The following PDE1C variants were observed in gnomAD, a reference collection of about 807,000 sequenced individuals.
PDE1C encodes the protein phosphodiesterase 1C.
PDE1C carries 62 observed loss-of-function variants against 93.1 expected under a neutral mutation model. The observed-to-expected ratio is 0.67, with a 90% CI of 0.54 to 0.82. The LOEUF (loss-of-function observed/expected upper bound fraction) is 0.82, where lower values mean the gene tolerates loss of function less well. Among genes scored for constraint, PDE1C ranks in the 40% least tolerant of loss-of-function variants. The probability of loss-of-function intolerance (pLI) is 0.00; values close to 1 mark genes in which losing one functional copy is unlikely to be tolerated. For synonymous variants in PDE1C, 325 were observed against 310.1 expected (o/e 1.05, Z -0.50); for missense variants, 742 against 884.6 (o/e 0.84, Z 2.04).
Position 31,753,355 on chromosome 7 carries a change from C to T in PDE1C, c.*29G>A. 6.2e-7 allele frequency: 1 copy of T among 1,600,788 alleles called. No individual in the cohort carries two copies. On this transcript the variant is annotated 3_prime_UTR_variant, in exon 18 of 18. Coordinates refer to ENST00000396191, the MANE Select transcript of PDE1C (RefSeq NM_001191057.4). The stretch of plus-strand genomic sequence containing the variant: ...GCTGAGAAGCAGATAGGTAGACCCT[C>T]CTTCACTCCCTCTCTTCTTCCCCTC...
At chr7:32,319,910 A>T (rs1783253398) in intron 1 of PDE1C, among the ~76,000 whole-genome samples, 1 of 152,212 alleles carries the variant, frequency 6.6e-6, no homozygotes, top group Non-Finnish European at 1.5e-5. Context: ...CCCCTTGAAC[A>T]TAGATAGGTA....
chr7:32,108,863 C>T (rs1282973881), intron 3 of PDE1C, among the ~76,000 whole-genome samples: 1 of 152,208 alleles, frequency 6.6e-6, no homozygotes, highest in Non-Finnish European at 1.5e-5. Flanking sequence ...ATCTGAGTCA[C>T]TCAGTACAGT....
intron 3 of PDE1C, among the ~76,000 whole-genome samples, chr7:32,099,418 T>C (rs1488333356): frequency 6.6e-6 from 1 of 152,212 alleles, no homozygotes; most frequent in Non-Finnish European, 1.5e-5. Context: ...TTCACCTATG[T>C]CTTACTCCTC....
At chr7:32,059,592 C>G (rs1233924654) in intron 1 of PDE1C, among the ~76,000 whole-genome samples, 2 of 152,134 alleles carry the variant, frequency 1.3e-5, no homozygotes, top group African/African-American at 2.4e-5. Context: ...CTCTCATGAG[C>G]CTGGATTAAA....
In PDE1C at chr7:32,272,606, A is replaced by T. The variant is rs966096798; in HGVS notation, c.85+26045T>A. Among the ~76,000 whole-genome samples, 79 of 152,344 alleles carry T rather than the reference A, an allele frequency of 5.2e-4. 1 individual carries two copies. Among genetic ancestry groups the T allele is most frequent in the Non-Finnish European group, 1.3e-4 (9 of 68,036 alleles). On this transcript the variant is annotated intron_variant, in intron 1 of 18. Coordinates refer to the PDE1C transcript ENST00000396193. Reference sequence around the variant, plus strand: ...TTGCCCGTGTCACTCTTGGCTATCTAATCAACAGCCATTCTCCCTTCAAAG... The same window carrying T: ...TTGCCCGTGTCACTCTTGGCTATCTTATCAACAGCCATTCTCCCTTCAAAG...
rs55999814 is a variant in PDE1C at position 31,907,070 on chromosome 7, GGTGTGTGTGT to G, written c.129-26220_129-26211del. 1.6e-3 allele frequency among the ~76,000 whole-genome samples: 235 copies of G among 145,314 alleles called. 1 individual carries two copies. The highest frequency in any genetic ancestry group is 5.8e-3 in the African/African-American group (221 of 38,246). On this transcript the variant is annotated intron_variant, in intron 2 of 17. Transcript: ENST00000396191. ...GAGCCAACCATTTCTTGATATGTGG[GGTGTGTGTGT>G]GTGTGTGTGTGTGTGTGTTTCTTAC...
intron 7 of PDE1C, among the ~76,000 whole-genome samples, chr7:31,862,432 G>A (rs947186262): frequency 4.6e-5 from 7 of 152,236 alleles, no homozygotes; most frequent in African/African-American, 1.7e-4. Flanking sequence ...AGGCTAGGAA[G>A]CTTAAGATAC....
intron 1 of PDE1C, among the ~76,000 whole-genome samples, chr7:32,056,058 G>C (rs1324007540): frequency 1.3e-5 from 2 of 152,032 alleles, no homozygotes; most frequent in Non-Finnish European, 2.9e-5. Context: ...ATTTAAATTT[G>C]TAATATTTTG....
At position 31,960,346 on chromosome 7, in the gene PDE1C, G is replaced by A. The variant is rs116907231; in HGVS notation, c.129-79486C>T. Among the ~76,000 whole-genome samples, 595 of 152,252 alleles carry A rather than the reference G, an allele frequency of 3.9e-3. 17 individuals carry two copies. The East Asian group carries it at 0.059, about 15-fold the overall frequency. On this transcript the variant is annotated intron_variant, in intron 2 of 17. Transcript: ENST00000396191. ...TCATTTCTGTGATGTTCCTGCCAAA[G>A]ATGCAGAGTCTGAATTTAATCATGA...
intron 17 of PDE1C, among the ~76,000 whole-genome samples, chr7:31,764,392 AC>A (rs1264410847): frequency 6.6e-6 from 1 of 152,010 alleles, no homozygotes; most frequent in Non-Finnish European, 1.5e-5. Context: ...TGATCCAAAC[AC>A]CTCAGCCTCA....
intron 3 of PDE1C, among the ~76,000 whole-genome samples, chr7:32,164,906 T>G (rs745697462): frequency 5.9e-5 from 9 of 152,166 alleles, no homozygotes; most frequent in Non-Finnish European, 1.0e-4. Flanking sequence ...CAGGTTCAAT[T>G]TATTCTCTAT....
intron 2 of PDE1C, among the ~76,000 whole-genome samples, chr7:32,046,467 A>G (rs769170099): frequency 2.6e-5 from 4 of 152,144 alleles, no homozygotes; most frequent in Non-Finnish European, 5.9e-5. Context: ...TATATCTATT[A>G]TAGCACTTAC....
At chr7:32,147,984 TAAA>T (rs752433564) in intron 3 of PDE1C, among the ~76,000 whole-genome samples, 1,070 of 79,710 alleles carry the variant, frequency 0.013, 40 homozygotes, top group African/African-American at 0.048. Context: ...CCATTTATGC[TAAA>T]AAAAAAAAAA....
At chr7:31,994,714 C>T (rs868353730) in intron 2 of PDE1C, among the ~76,000 whole-genome samples, 2 of 152,168 alleles carry the variant, frequency 1.3e-5, no homozygotes, top group East Asian at 1.9e-4. Flanking sequence ...ACAAGTTCCC[C>T]GGAAGGTGAA....
upstream of PDE1C, chr7:32,070,664 AGAGATAGGGATT>A (rs1795945257): frequency 7.5e-7 from 1 of 1,338,718 alleles, no homozygotes; most frequent in Non-Finnish European, 9.6e-7. Context: ...GGATAGGGAT[AGAGATAGGGATT>A]GGGATTGGAC....
chr7:32,196,263 G>A (rs953016591), intron 2 of PDE1C, among the ~76,000 whole-genome samples: 7 of 152,280 alleles, frequency 4.6e-5, no homozygotes, highest in African/African-American at 1.7e-4. Flanking sequence ...TGAGGATGGG[G>A]CCACAGCTTT....
chr7:32,270,229 T>A (rs1199952031), intron 1 of PDE1C, among the ~76,000 whole-genome samples: 1 of 151,900 alleles, frequency 6.6e-6, no homozygotes, highest in African/African-American at 2.4e-5. Context: ...CTCTAGGTGG[T>A]GAAATTTAGA....
At chr7:31,884,826 C>T (rs1040956551) in intron 2 of PDE1C, among the ~76,000 whole-genome samples, 1 of 152,068 alleles carries the variant, frequency 6.6e-6, no homozygotes, top group East Asian at 1.9e-4. Flanking sequence ...GAATAAGGAC[C>T]CCTCTCTATT....
At chr7:31,681,087 A>G in the PDE1C span, among the ~76,000 whole-genome samples, 1 of 152,216 alleles carries the variant, frequency 6.6e-6, no homozygotes, top group Non-Finnish European at 1.5e-5. Context: ...AAATAATTCA[A>G]TGGTTTACTT....
Sources: gnomAD v4.1 joint callset for allele counts (sites outside exome capture counted in the v4.1 genomes callset) on GRCh38, gnomAD v4.1.1 for gene constraint, MANE v1.5 for transcripts, NCBI Gene and HGNC (gene_info 2026-07-23, HGNC 2026-07-21) for gene names.